The following FARP1 variants were observed in gnomAD, a reference collection of about 807,000 sequenced individuals.
FARP1 encodes FERM, ARH/RhoGEF and pleckstrin domain protein 1, also known as FERM, ARHGEF and pleckstrin domain-containing protein 1.
FARP1 carries 52 observed loss-of-function variants against 128.8 expected under a neutral mutation model. The observed-to-expected ratio is 0.40, with a 90% CI of 0.32 to 0.51. FARP1 has a LOEUF of 0.51. Among genes scored for constraint, FARP1 ranks in the 20% least tolerant of loss-of-function variants. The pLI is 0.45. For synonymous variants in FARP1, 580 were observed against 551.8 expected (o/e 1.05, Z -0.72); for missense variants, 1,333 against 1,367.9 (o/e 0.97, Z 0.40).
At chr13:98,433,031 G>A (rs187691745) in intron 18 of FARP1, 4 of 152,560 alleles carry the variant, frequency 2.6e-5, no homozygotes, top group East Asian at 1.9e-4. Context: ...GGTGAAAGGA[G>A]GGTGTGGAGA....
At chr13:98,317,822 T>C (rs1362182093) in intron 2 of FARP1, among the ~76,000 whole-genome samples, 1 of 152,162 alleles carries the variant, frequency 6.6e-6, no homozygotes, top group African/African-American at 2.4e-5. Context: ...GGCCGCCTCC[T>C]TGTAGTGTCC....
chr13:98,384,547 C>G (rs1001940284), intron 6 of FARP1, 183 bp from the exon 7 acceptor site: 3 of 601,182 alleles, frequency 5.0e-6, no homozygotes, highest in Non-Finnish European at 8.9e-6. Flanking sequence ...TGTCTTCTCA[C>G]ATCACCACAA....
At chr13:98,330,894 T>C (rs1482223872) in intron 2 of FARP1, among the ~76,000 whole-genome samples, 1 of 152,218 alleles carries the variant, frequency 6.6e-6, no homozygotes, top group Non-Finnish European at 1.5e-5. Flanking sequence ...CATTTAGGCA[T>C]GTGAGGCTCT....
intron 1 of FARP1, among the ~76,000 whole-genome samples, chr13:98,197,882 G>T (rs551517459): frequency 6.6e-6 from 1 of 151,898 alleles, no homozygotes; most frequent in Admixed American, 6.6e-5. Context: ...TGATCCGTTC[G>T]CCTCGTCCTC....
In FARP1 at chr13:98,440,192, C is replaced by T. The variant is rs760957829; in HGVS notation, c.2586C>T (p.Ser862=). 4.3e-6 allele frequency: 7 copies of T among 1,613,946 alleles called. No individual in the cohort carries two copies. The highest frequency in any genetic ancestry group is 5.9e-6 in the Non-Finnish European group (7 of 1,180,002). Reference sequence around the variant, plus strand: ...CCATTGACCTGGCGGAGAAGAGCAGCAGCCCCGCCCCTGAGTTCCTGGCCA... The same window carrying T: ...CCATTGACCTGGCGGAGAAGAGCAGTAGCCCCGCCCCTGAGTTCCTGGCCA... The part of the protein sequence containing the change: ...QMAIDLAEKS[S]SPAPEFLASS... The change falls in exon 23 of 27, where the codon AGC becomes AGT. Residue 862 remains serine (S), a synonymous_variant. Transcript: ENST00000319562.
At chr13:98,416,887 G>A (rs376677430) in intron 16 of FARP1, among the ~76,000 whole-genome samples, 1 of 152,196 alleles carries the variant, frequency 6.6e-6, no homozygotes, top group Admixed American at 6.5e-5. Context: ...AGAGGCCCTC[G>A]GAATTGGCTA....
At chr13:98,172,245 C>T (rs1335207572) in intron 1 of FARP1, among the ~76,000 whole-genome samples, 3 of 151,636 alleles carry the variant, frequency 2.0e-5, no homozygotes, top group Non-Finnish European at 4.4e-5. Flanking sequence ...TTCTGCTGCT[C>T]AGGGATGTCT....
chr13:98,362,529 G>A (rs547171960), intron 3 of FARP1, among the ~76,000 whole-genome samples: 150 of 152,198 alleles, frequency 9.9e-4, no homozygotes, highest in African/African-American at 3.4e-3. Flanking sequence ...TTTACTTCAC[G>A]CCTCCTCTGC....
chr13:98,437,438 T>C (rs2139096475), intron 19 of FARP1, among the ~76,000 whole-genome samples: 1 of 149,474 alleles, frequency 6.7e-6, no homozygotes, highest in East Asian at 1.9e-4. Context: ...GGCAGGCTTA[T>C]TCGAGAAGTA....
intron 2 of FARP1, among the ~76,000 whole-genome samples, chr13:98,314,167 T>C (rs987761970): frequency 1.3e-5 from 2 of 152,116 alleles, no homozygotes; most frequent in African/African-American, 4.8e-5. Flanking sequence ...GCCAGTGTTA[T>C]AAGTCACATT....
chr13:98,410,900 G>C, intron 15 of FARP1, 77 bp downstream of exon 15: 1 of 698,632 alleles, frequency 1.4e-6, no homozygotes, highest in South Asian at 2.0e-5. Context: ...GGGGAGGCTG[G>C]AGCTAATTAA....
chr13:98,318,721 G>A (rs556622998), intron 2 of FARP1, among the ~76,000 whole-genome samples: 3 of 152,158 alleles, frequency 2.0e-5, no homozygotes, highest in South Asian at 4.1e-4. Flanking sequence ...CCAGCAGTCT[G>A]CCTTCTCTTT....
intron 2 of FARP1, among the ~76,000 whole-genome samples, chr13:98,254,626 T>C (rs183577215): frequency 6.6e-6 from 1 of 151,858 alleles, no homozygotes; most frequent in African/African-American, 2.4e-5. Flanking sequence ...CATGGCGGTG[T>C]AGCCTGGCCA....
At chr13:98,197,008 T>C (rs1369390520) in intron 1 of FARP1, among the ~76,000 whole-genome samples, 1 of 152,274 alleles carries the variant, frequency 6.6e-6, no homozygotes, top group Non-Finnish European at 1.5e-5. Flanking sequence ...GCATAGTTTA[T>C]TTCTTGAAGA....
chr13:98,207,528 T>C (rs1016502040), intron 1 of FARP1, among the ~76,000 whole-genome samples: 3 of 152,008 alleles, frequency 2.0e-5, no homozygotes, highest in African/African-American at 7.2e-5. Flanking sequence ...GAGCCCTTCC[T>C]TCCTGCCGTC....
chr13:98,211,263 C>T (rs970512961), intron 1 of FARP1, among the ~76,000 whole-genome samples: 4 of 152,176 alleles, frequency 2.6e-5, no homozygotes, highest in South Asian at 2.1e-4. Flanking sequence ...GAGCGGCAGG[C>T]GAGCATCACC....
chr13:98,173,283 A>G (rs962362878), intron 1 of FARP1, among the ~76,000 whole-genome samples: 1 of 152,220 alleles, frequency 6.6e-6, no homozygotes, highest in Non-Finnish European at 1.5e-5. Context: ...GGCACACAGA[A>G]AAAGTCAACA....
chr13:98,295,062 C>G (rs1335873524), intron 2 of FARP1, among the ~76,000 whole-genome samples: 1 of 73,758 alleles, frequency 1.4e-5, no homozygotes, highest in Non-Finnish European at 2.8e-5. Context: ...CACACACACA[C>G]ACACACACAC....
intron 1 of FARP1, among the ~76,000 whole-genome samples, chr13:98,206,695 A>C (rs1880292657): frequency 6.6e-6 from 1 of 152,220 alleles, no homozygotes; most frequent in African/African-American, 2.4e-5. Context: ...ATACTAAGAC[A>C]AGACAACTCT....
Sources: allele counts gnomAD v4.1 joint callset (sites outside exome capture counted in the v4.1 genomes callset), GRCh38; gene constraint gnomAD v4.1.1; transcripts MANE v1.5; gene names NCBI Gene and HGNC (gene_info 2026-07-23, HGNC 2026-07-21).